The following ITPRID1 variants were observed in gnomAD, a reference collection of about 807,000 sequenced individuals.
The protein encoded by ITPRID1 is protein ITPRID1.
Under a neutral mutation model 95.4 loss-of-function variants are expected in ITPRID1, and 96 were observed. The observed-to-expected ratio is 1.01, with a 90% CI of 0.85 to 1.19. ITPRID1 has a LOEUF of 1.19. Among genes scored for constraint, ITPRID1 ranks in the 50% most tolerant of loss-of-function variants. The pLI is 0.00. For missense variants in ITPRID1, 1,339 were observed against 1,252.9 expected (o/e 1.07, Z -1.04); for synonymous variants, 510 against 453.6 (o/e 1.12, Z -1.58).
intron 1 of ITPRID1, among the ~76,000 whole-genome samples, chr7:31,544,441 A>T (rs953196670): frequency 6.6e-6 from 1 of 152,158 alleles, no homozygotes; most frequent in East Asian, 1.9e-4. Context: ...GGTGAAATTT[A>T]TGCTGTAAAG....
chr7:31,643,292 A>C lies in ITPRID1; in HGVS notation c.1922A>C (p.Gln641Pro), dbSNP rs1438514234. The change falls in exon 12 of 15, where the codon CAG becomes CCG. Residue 641 changes from glutamine (Q) to proline (P), a missense_variant. Transcript: ENST00000615280. Reference sequence around the variant, plus strand: ...TTACTCGTACCAGAAAGCTCATCACAGTGTATCCCCAAGCACAGTGAAATC... The same window carrying C: ...TTACTCGTACCAGAAAGCTCATCACCGTGTATCCCCAAGCACAGTGAAATC... ...HSLLVPESSS[Q>P]CIPKHSEITP... The C allele has an allele frequency of 6.2e-7, 1 of 1,613,720 alleles. No individual in the cohort carries two copies. Among genetic ancestry groups the C allele is most frequent in the Admixed American group, 1.7e-5 (1 of 60,000 alleles).
chr7:31,574,735 C>T lies in ITPRID1; in HGVS notation c.591C>T (p.Asn197=), dbSNP rs1785118061. The change falls in exon 8 of 15, where the codon AAC becomes AAT. Residue 197 remains asparagine, a synonymous_variant. Coordinates refer to ENST00000615280, the MANE Select transcript of ITPRID1 (RefSeq NM_001257967.3). ...QKQRMDIENP[N]LYGRFRQLEI... Reference sequence around the variant, plus strand: ...AGCGAATGGACATTGAGAACCCCAACTTGTACGGTAAGCGAGGTGCCTGTG... The same window carrying T: ...AGCGAATGGACATTGAGAACCCCAATTTGTACGGTAAGCGAGGTGCCTGTG... 2 of 1,613,580 alleles carry T rather than the reference C, an allele frequency of 1.2e-6. No individual in the cohort carries two copies. Among genetic ancestry groups the T allele is most frequent in the African/African-American group, 2.7e-5 (2 of 74,910 alleles).
At chr7:31,635,352 A>G (rs1171760159) in intron 10 of ITPRID1, among the ~76,000 whole-genome samples, 1 of 152,190 alleles carries the variant, frequency 6.6e-6, no homozygotes, top group Admixed American at 6.5e-5. Flanking sequence ...TTGCTTGGTG[A>G]ATCTCTCAAA....
chr7:31,637,812 A>G (rs187651954), intron 10 of ITPRID1, among the ~76,000 whole-genome samples: 100 of 152,318 alleles, frequency 6.6e-4, no homozygotes, highest in African/African-American at 2.2e-3. Flanking sequence ...GTCCTTGCCC[A>G]TGCCTATGTC....
At chr7:31,603,968 G>A (rs537577306) in intron 10 of ITPRID1, among the ~76,000 whole-genome samples, 2 of 152,254 alleles carry the variant, frequency 1.3e-5, no homozygotes, top group South Asian at 4.1e-4. Flanking sequence ...TCCTGTAAAT[G>A]TTGTTGATGC....
intron 12 of ITPRID1, among the ~76,000 whole-genome samples, chr7:31,650,482 G>A (rs184785757): frequency 3.3e-4 from 50 of 152,244 alleles, no homozygotes; most frequent in African/African-American, 1.2e-3. Flanking sequence ...AGAGTTAAAC[G>A]ATGACTACAT....
At chr7:31,592,314 C>T (rs1212735984) in intron 10 of ITPRID1, among the ~76,000 whole-genome samples, 1 of 152,196 alleles carries the variant, frequency 6.6e-6, no homozygotes, top group Non-Finnish European at 1.5e-5. Context: ...TACTCAATCT[C>T]TATGCTTCTG....
chr7:31,575,895 T>TA lies in ITPRID1; in HGVS notation c.598+1158dup, dbSNP rs1554286966. Among the ~76,000 whole-genome samples the TA allele has an allele frequency of 5.4e-3, 819 of 151,720 alleles. 1 individual carries two copies. The highest frequency in any genetic ancestry group is 0.014 in the Middle Eastern group (4 of 292). ...AACTTCAGGAATGATATTTTTTTTT[T>TA]AAAAAGAGTATGTAAAGCTGAAGGT... On this transcript the variant is annotated intron_variant, in intron 8 of 14. Transcript: ENST00000615280.
chr7:31,632,617 G>A (rs1405832479), intron 10 of ITPRID1, among the ~76,000 whole-genome samples: 1 of 152,102 alleles, frequency 6.6e-6, no homozygotes, highest in Non-Finnish European at 1.5e-5. Context: ...CCAACACTGG[G>A]AACACAACTT....
chr7:31,658,037 A>G (rs1412864916), downstream of ITPRID1, among the ~76,000 whole-genome samples: 1 of 152,196 alleles, frequency 6.6e-6, no homozygotes, highest in African/African-American at 2.4e-5. Flanking sequence ...AATTTGAGAA[A>G]CAATACTTGG....
In ITPRID1 at chr7:31,631,347, AAAAC is replaced by A. The variant is rs1359869177; in HGVS notation, c.1229-10826_1229-10823del. ...GATAAGAAAAATTCACATTATATGA[AAAAC>A]AAGATATAAAATGTGTATTAGGATT... On this transcript the variant is annotated intron_variant, in intron 10 of 14. Coordinates refer to ENST00000615280, the MANE Select transcript of ITPRID1 (RefSeq NM_001257967.3). Among the ~76,000 whole-genome samples, 6 of 152,242 alleles carry A rather than the reference AAAAC, an allele frequency of 3.9e-5. No homozygotes were observed. The East Asian group carries it at 1.2e-3, about 29-fold the overall frequency.
chr7:31,648,844 T>G (rs1215944655), intron 12 of ITPRID1, among the ~76,000 whole-genome samples: 1 of 152,192 alleles, frequency 6.6e-6, no homozygotes, highest in African/African-American at 2.4e-5. Context: ...GACTCAGATC[T>G]TAGAAGAAAA....
intron 10 of ITPRID1, among the ~76,000 whole-genome samples, chr7:31,612,226 C>G (rs1357374583): frequency 6.6e-6 from 1 of 152,066 alleles, no homozygotes; most frequent in Admixed American, 6.6e-5. Context: ...TTATGATACT[C>G]TGTATTTGAT....
chr7:31,533,339 A>G (rs1031045269), intron 1 of ITPRID1, among the ~76,000 whole-genome samples: 7 of 152,176 alleles, frequency 4.6e-5, no homozygotes, highest in African/African-American at 1.7e-4. Flanking sequence ...CACCCACAGA[A>G]TCTGCTGTGG....
intron 10 of ITPRID1, among the ~76,000 whole-genome samples, chr7:31,634,467 T>C (rs1470941799): frequency 6.6e-6 from 1 of 152,180 alleles, no homozygotes; most frequent in Non-Finnish European, 1.5e-5. Flanking sequence ...TATTCATTAC[T>C]TTCCCTATGA....
At chr7:31,553,425 C>T (rs927963285) in intron 3 of ITPRID1, among the ~76,000 whole-genome samples, 2 of 152,198 alleles carry the variant, frequency 1.3e-5, no homozygotes, top group South Asian at 4.1e-4. Context: ...ACTCTGCTTC[C>T]TTTCCACTCC....
At chr7:31,622,377 T>C (rs936430225) in intron 10 of ITPRID1, among the ~76,000 whole-genome samples, 2 of 151,958 alleles carry the variant, frequency 1.3e-5, no homozygotes, top group African/African-American at 4.8e-5. Context: ...CCTCAGCAAA[T>C]GTAAAAGAAC....
chr7:31,549,764 G>A (rs1379237184), intron 2 of ITPRID1, among the ~76,000 whole-genome samples: 1 of 152,126 alleles, frequency 6.6e-6, no homozygotes, highest in Admixed American at 6.6e-5. Context: ...TACTAATAAA[G>A]ATTAGTTACC....
intron 5 of ITPRID1, among the ~76,000 whole-genome samples, chr7:31,555,688 T>C (rs996694969): frequency 6.6e-6 from 1 of 152,164 alleles, no homozygotes; most frequent in Non-Finnish European, 1.5e-5. Context: ...AAAAATGACA[T>C]AAATTAGGAA....
Sources: gnomAD v4.1 joint callset for allele counts (sites outside exome capture counted in the v4.1 genomes callset) on GRCh38, gnomAD v4.1.1 for gene constraint, MANE v1.5 for transcripts, NCBI Gene and HGNC (gene_info 2026-07-23, HGNC 2026-07-21) for gene names.